Variants in SS18L1 observed in about 807,000 individuals in gnomAD.
The protein encoded by SS18L1 is SS18L1 subunit of BAF chromatin remodeling complex, also known as calcium-responsive transactivator.
In SS18L1, 32 loss-of-function variants were observed where a neutral mutation model predicts 70.3. The ratio of observed to expected loss-of-function variants is 0.46; its 90% CI spans 0.34 to 0.61. The LOEUF is 0.61. Ranked by LOEUF, SS18L1 falls within the 20% of genes least tolerant of loss-of-function variation. The pLI, the probability that SS18L1 is intolerant of heterozygous loss-of-function variation, is 0.01. For synonymous variants in SS18L1, 237 were observed against 229.7 expected (o/e 1.03, Z -0.29); for missense variants, 430 against 542.1 (o/e 0.79, Z 2.05).
At chr20:62,170,185 AC>A (rs2057505239) in intron 8 of SS18L1, among the ~76,000 whole-genome samples, 3 of 152,018 alleles carry the variant, frequency 2.0e-5, no homozygotes, top group Admixed American at 2.0e-4. Flanking sequence ...TCTCACGGGC[AC>A]CCCGCAGAAT....
Position 62,162,902 on chromosome 20 carries a change from G to A in SS18L1, c.527G>A (p.Arg176Gln), listed in dbSNP as rs375088840. Reference protein sequence around the residue: ...GQGTIGNYVSRTNINMQSNPV... With the variant: ...GQGTIGNYVSQTNINMQSNPV... ...GGCACCATCGGCAACTACGTGTCTCGGACCAACATCAACATGCAGTCCAAC... is the reference window on the plus strand; with the variant it reads ...GGCACCATCGGCAACTACGTGTCTCAGACCAACATCAACATGCAGTCCAAC... The change falls in exon 5 of 11, where the codon CGG (arginine) becomes CAG (glutamine). Residue 176 changes from arginine to glutamine, a missense_variant. By Grantham distance (43) the Arg-to-Gln change is conservative. Transcript: ENST00000331758. The A allele has an allele frequency of 2.5e-5, 41 of 1,612,696 alleles. No individual in the cohort carries two copies. The highest frequency in any genetic ancestry group is 3.3e-5 in the Non-Finnish European group (39 of 1,179,936).
In SS18L1 at chr20:62,158,810, C is replaced by G; in HGVS notation, c.146+62C>G. ...GTCATGCAGAGTCTAAGCACAGAGG[C>G]CAGATACGTCCCAAGAGTCCCCCAG... is the stretch of plus-strand genomic sequence containing the variant. On this transcript the variant is annotated intron_variant, in intron 2 of 10. Transcript: ENST00000331758. This position sits in a 1 kb window ranked among gnomAD's most constrained non-coding sequence, Gnocchi z 4.5. 3 of 1,612,470 alleles carry G rather than the reference C, an allele frequency of 1.9e-6. No homozygotes were observed. The highest frequency in any genetic ancestry group is 2.2e-5 in the South Asian group (2 of 91,062).
At chr20:62,168,758 T>A (rs2145765933) in intron 8 of SS18L1, among the ~76,000 whole-genome samples, 1 of 152,170 alleles carries the variant, frequency 6.6e-6, no homozygotes, top group East Asian at 1.9e-4. Context: ...AAGCTGTACT[T>A]AACTATGATC....
At chr20:62,150,500 G>C (rs1045595704) in intron 1 of SS18L1, among the ~76,000 whole-genome samples, 1 of 152,252 alleles carries the variant, frequency 6.6e-6, no homozygotes, top group African/African-American at 2.4e-5. Context: ...CACGCCATGC[G>C]TGGGGAGTGC....
intron 1 of SS18L1, among the ~76,000 whole-genome samples, chr20:62,157,086 C>T (rs892204829): frequency 2.0e-5 from 3 of 152,162 alleles, no homozygotes; most frequent in Admixed American, 1.3e-4. Flanking sequence ...CGCGGGCCAC[C>T]CAGTGCTGCC....
intron 7 of SS18L1, among the ~76,000 whole-genome samples, chr20:62,164,646 T>G (rs911351513): frequency 3.9e-5 from 6 of 152,206 alleles, no homozygotes; most frequent in Non-Finnish European, 7.3e-5. Context: ...GCAGCACCTC[T>G]CCTCCTGCAC....
In SS18L1 at chr20:62,159,870, C is replaced by T. The variant is rs376790593; in HGVS notation, c.147-7C>T. 6.2e-7 allele frequency: 1 copy of T among 1,611,950 alleles called. No individual in the cohort carries two copies. Among genetic ancestry groups the T allele is most frequent in the South Asian group, 1.1e-5 (1 of 90,928 alleles). On this transcript the variant is annotated splice_region_variant and splice_polypyrimidine_tract_variant and intron_variant, in intron 2 of 10. Transcript: ENST00000331758. The surrounding 1 kb of genome is among the most constrained non-coding windows in gnomAD (Gnocchi z 4.4). ...GTCCTGCCTCATGCGTGCCCCCTCT[C>T]CTGCAGGTACCAGCAGATCCTGCAC...
In SS18L1 at chr20:62,165,419, C is replaced by T; in HGVS notation, c.824-3C>T. The T allele has an allele frequency of 6.2e-7, 1 of 1,611,192 alleles. No individual in the cohort carries two copies. The highest frequency in any genetic ancestry group is 1.1e-5 in the South Asian group (1 of 90,778). On this transcript the variant is annotated splice_region_variant and splice_polypyrimidine_tract_variant and intron_variant, in intron 7 of 10. Transcript: ENST00000331758. ...TGACTGTCGCCGTCTCCGTTTCGCACAGGCCATGGCGATTACGCCTACCAG... is the reference window on the plus strand; with the variant it reads ...TGACTGTCGCCGTCTCCGTTTCGCATAGGCCATGGCGATTACGCCTACCAG...
intron 1 of SS18L1, among the ~76,000 whole-genome samples, chr20:62,156,046 C>G (rs890019264): frequency 7.3e-6 from 1 of 136,312 alleles, no homozygotes; most frequent in African/African-American, 2.7e-5. Flanking sequence ...CACACCAGTA[C>G]TGTGTTTCGT....
At chr20:62,167,150 A>G (rs1222046700) in intron 8 of SS18L1, among the ~76,000 whole-genome samples, 2 of 146,140 alleles carry the variant, frequency 1.4e-5, no homozygotes, top group East Asian at 2.2e-4. Context: ...GGTTCAAGCA[A>G]TTCTCCTGCC....
In SS18L1 at chr20:62,143,777, A is replaced by C; in HGVS notation, c.-44A>C. Reference sequence around the variant, plus strand: ...GCCTCGGGCCGCCCAGCGCAGCCGGAGTATCCACCTCGATGACCACGGGCT... The same window carrying C: ...GCCTCGGGCCGCCCAGCGCAGCCGGCGTATCCACCTCGATGACCACGGGCT... On this transcript the variant is annotated 5_prime_UTR_variant, in exon 1 of 11. Coordinates refer to ENST00000331758, the MANE Select transcript of SS18L1 (RefSeq NM_198935.3). 1 of 1,288,188 alleles carries C rather than the reference A, an allele frequency of 7.8e-7. No homozygotes were observed. The highest frequency in any genetic ancestry group is 1.0e-6 in the Non-Finnish European group (1 of 983,472). The allele number at this position is 1,288,188 out of a possible 1,614,324, so 79.8% of individuals were successfully genotyped here.
At chr20:62,153,027 A>T (rs1182868846) in intron 1 of SS18L1, among the ~76,000 whole-genome samples, 1 of 152,194 alleles carries the variant, frequency 6.6e-6, no homozygotes, top group East Asian at 1.9e-4. Flanking sequence ...TTTATAAAGG[A>T]AAGAGGCTTA....
chr20:62,170,207 T>A (rs955637428), intron 8 of SS18L1, among the ~76,000 whole-genome samples: 1 of 152,102 alleles, frequency 6.6e-6, no homozygotes, highest in South Asian at 2.1e-4. Flanking sequence ...GCCAGAGGAT[T>A]CTTAGAGAAA....
At chr20:62,144,664 C>T (rs2056990991) in intron 1 of SS18L1, among the ~76,000 whole-genome samples, 1 of 152,262 alleles carries the variant, frequency 6.6e-6, no homozygotes, top group Non-Finnish European at 1.5e-5. Context: ...TTGTGGTTTT[C>T]AAGAGACAGC....
chr20:62,179,258 GC>G lies in SS18L1; in HGVS notation c.*52del, dbSNP rs772835640. The G allele has an allele frequency of 1.9e-6, 3 of 1,607,898 alleles. No individual in the cohort carries two copies. The South Asian group carries it at 3.3e-5, about 18-fold the overall frequency. On this transcript the variant is annotated 3_prime_UTR_variant, in exon 11 of 11. Coordinates refer to ENST00000331758, the MANE Select transcript of SS18L1 (RefSeq NM_198935.3). ...CTTGTGGTAGCGTGTTCATCCAGGGGCCGGATGGGCTGGCGGCAGCTCTGGT... is the reference window on the plus strand; with the variant it reads ...CTTGTGGTAGCGTGTTCATCCAGGGGCGGATGGGCTGGCGGCAGCTCTGGT...
chr20:62,175,120 G>A (rs6121526), intron 10 of SS18L1, among the ~76,000 whole-genome samples: 13,447 of 152,268 alleles, frequency 0.088, 727 homozygotes, highest in South Asian at 0.2. Context: ...GCCCGTGTGG[G>A]CAATTCCAGG....
At position 62,158,847 on chromosome 20, in the gene SS18L1, G is replaced by A. The variant is rs1445927187; in HGVS notation, c.146+99G>A. The A allele has an allele frequency of 1.2e-6, 2 of 1,610,572 alleles. No homozygotes were observed. The highest frequency in any genetic ancestry group is 1.1e-5 in the South Asian group (1 of 90,762). Reference sequence around the variant, plus strand: ...CAAGAGTCCCCCAGCACAGAGATCAGATAAGTCCCAGGAGTCCCCAGCACG... The same window carrying A: ...CAAGAGTCCCCCAGCACAGAGATCAAATAAGTCCCAGGAGTCCCCAGCACG... On this transcript the variant is annotated intron_variant, in intron 2 of 10. Coordinates refer to ENST00000331758, the MANE Select transcript of SS18L1 (RefSeq NM_198935.3). The surrounding 1 kb of genome is among the most constrained non-coding windows in gnomAD (Gnocchi z 4.5).
rs6062095 is a variant in SS18L1, at chr20:62,159,261, G to T, written c.146+513G>T. Among the ~76,000 whole-genome samples, 1 of 152,094 alleles carries T rather than the reference G, an allele frequency of 6.6e-6. No individual in the cohort carries two copies. The highest frequency in any genetic ancestry group is 2.4e-5 in the African/African-American group (1 of 41,364). On this transcript the variant is annotated intron_variant, in intron 2 of 10. Transcript: ENST00000331758. The surrounding 1 kb of genome is among the most constrained non-coding windows in gnomAD (Gnocchi z 4.4). ...ACCCTGTGAACCTAGGGCCTGATGC[G>T]TAGGAGGGGTGCGTGGCCAGTCTGC...
intron 8 of SS18L1, among the ~76,000 whole-genome samples, chr20:62,170,030 CTG>C (rs1387182281): frequency 1.3e-5 from 2 of 152,214 alleles, no homozygotes; most frequent in Non-Finnish European, 2.9e-5. Flanking sequence ...GTGTGGATCA[CTG>C]TGTTTTTATG....
Sources: gnomAD v4.1 joint callset for allele counts (sites outside exome capture counted in the v4.1 genomes callset) on GRCh38, gnomAD v4.1.1 for gene constraint, Gnocchi (gnomAD v3.1) non-coding constraint, MANE v1.5 for transcripts, NCBI Gene and HGNC (gene_info 2026-07-23, HGNC 2026-07-21) for gene names.